The following RRBP1 variants were observed in gnomAD, a reference collection of about 807,000 sequenced individuals.
The protein encoded by RRBP1 is ribosome binding protein 1, also known as ribosome-binding protein 1.
In RRBP1, 94 loss-of-function variants were observed where a neutral mutation model predicts 165.2. That is an observed-to-expected ratio of 0.57 (90% CI 0.48 to 0.68). RRBP1 has a LOEUF of 0.68. RRBP1 is among the 30% of genes least tolerant of loss of function. RRBP1 has a pLI of 0.00. For synonymous variants in RRBP1, 680 were observed against 714.5 expected (o/e 0.95, Z 0.77); for missense variants, 1,676 against 1,763.0 (o/e 0.95, Z 0.88).
chr20:17,614,978 C>T, intron 23 of RRBP1, 98 bp from the exon 24 acceptor site: 2 of 1,382,568 alleles, frequency 1.4e-6, no homozygotes, highest in Non-Finnish European at 2.0e-6. Context: ...CTGGAGCCCT[C>T]TGGGGACACA....
Position 17,614,633 on chromosome 20 carries a change from C to G in RRBP1, c.4194+104G>C, listed in dbSNP as rs2035756463. The G allele has an allele frequency of 6.2e-6, 9 of 1,451,376 alleles. No individual in the cohort carries two copies. In the South Asian group the frequency reaches 9.9e-5, roughly 16 times the overall value. 89.9% of individuals were successfully genotyped at this position (1,451,376 alleles called of 1,614,324 possible). A position where few individuals can be genotyped will look rare whatever the true frequency, so the allele number is the denominator to read the frequency against. ...CCTGGGGCTCCCAGCCCAGCGCTCC[C>G]AGCAGCTTGACGACTCCGCCCAGCT... On this transcript the variant is annotated intron_variant, in intron 24 of 24. Coordinates refer to ENST00000377813, the MANE Select transcript of RRBP1 (RefSeq NM_001365613.2).
At chr20:17,677,854 A>T (rs370547476) in intron 2 of RRBP1, among the ~76,000 whole-genome samples, 19 of 152,220 alleles carry the variant, frequency 1.2e-4, no homozygotes, top group African/African-American at 4.6e-4. Flanking sequence ...AAAAAGAGAA[A>T]AAAGAAAAAG....
chr20:17,641,688 G>A (rs868533404), intron 5 of RRBP1, 109 bp downstream of exon 5: 28 of 1,366,784 alleles, frequency 2.0e-5, no homozygotes, highest in East Asian at 7.0e-5. Context: ...AGCCAGCTAC[G>A]TTCCAGGCAG....
chr20:17,640,062 C>T (rs913968845), intron 5 of RRBP1, among the ~76,000 whole-genome samples: 3 of 152,180 alleles, frequency 2.0e-5, no homozygotes, highest in Admixed American at 2.0e-4. Flanking sequence ...CCAGGCTTCC[C>T]CTCAGCTGCG....
At chr20:17,634,078 A>G (rs1391340007) in intron 7 of RRBP1, among the ~76,000 whole-genome samples, 1 of 152,134 alleles carries the variant, frequency 6.6e-6, no homozygotes, top group Non-Finnish European at 1.5e-5. Flanking sequence ...TACAAAACAG[A>G]CCCTTCAGGA....
chr20:17,661,054 A>G (rs1946659233), intron 2 of RRBP1, among the ~76,000 whole-genome samples: 1 of 152,104 alleles, frequency 6.6e-6, no homozygotes, highest in South Asian at 2.1e-4. Context: ...TTTTTCTCTC[A>G]ACGTGAAATT....
chr20:17,638,808 C>T (rs1043033734), intron 5 of RRBP1, among the ~76,000 whole-genome samples: 2 of 152,102 alleles, frequency 1.3e-5, no homozygotes, highest in African/African-American at 2.4e-5. Context: ...TTCTTCCAGG[C>T]GCTGTTCCCT....
At chr20:17,654,049 A>G (rs1259978543) in intron 3 of RRBP1, among the ~76,000 whole-genome samples, 1 of 152,208 alleles carries the variant, frequency 6.6e-6, no homozygotes, top group Non-Finnish European at 1.5e-5. Flanking sequence ...ATGGCCATGC[A>G]GGGTCTGACC....
chr20:17,657,832 A>T (rs577825867), intron 3 of RRBP1, among the ~76,000 whole-genome samples: 23 of 152,340 alleles, frequency 1.5e-4, no homozygotes, highest in African/African-American at 5.3e-4. Context: ...AGGGTGGCGC[A>T]GGGGAAGGAG....
At chr20:17,679,870 TCTCCTAAAC>T (rs2037146920) in intron 2 of RRBP1, 120 bp downstream of exon 2, 1 of 82,130 alleles carries the variant, frequency 1.2e-5, no homozygotes, top group Non-Finnish European at 3.7e-5. Flanking sequence ...CTCTAAACCC[TCTCCTAAAC>T]CCCAAGATCC....
chr20:17,616,060 G>A (rs369106773), intron 21 of RRBP1, 51 bp from the exon 22 acceptor site: 33 of 1,503,102 alleles, frequency 2.2e-5, no homozygotes, highest in East Asian at 1.1e-4. Flanking sequence ...GAACCCTCCA[G>A]GGGCCCAGGG....
Position 17,661,309 on chromosome 20 carries a change from A to G in RRBP1, c.-21-781T>C, listed in dbSNP as rs541841422. Among the ~76,000 whole-genome samples, 9 of 152,370 alleles carry G rather than the reference A, an allele frequency of 5.9e-5. 1 individual carries two copies. The South Asian group carries it at 1.9e-3, about 32-fold the overall frequency. ...TGCCAGCAATAGCTCCTGAGGAGTTATGGAGCCTGCAATTTGCATGTTGGG... is the reference window on the plus strand; with the variant it reads ...TGCCAGCAATAGCTCCTGAGGAGTTGTGGAGCCTGCAATTTGCATGTTGGG... On this transcript the variant is annotated intron_variant, in intron 2 of 24. Transcript: ENST00000377813.
chr20:17,618,872 G>A (rs1195855143), intron 19 of RRBP1, 193 bp from the exon 20 acceptor site: 1 of 595,510 alleles, frequency 1.7e-6, no homozygotes. Flanking sequence ...GAGGACTTAG[G>A]AAGAATGGTG....
In RRBP1 at chr20:17,615,317, G is replaced by C. The variant is rs949864720; in HGVS notation, c.4050+114C>G. On this transcript the variant is annotated intron_variant, in intron 23 of 24. Transcript: ENST00000377813. Reference sequence around the variant, plus strand: ...AGTGACAAGGGGAACCAGTGCCAAGGGCAGGTCCCGGTGGGGTCGGCTCTC... The same window carrying C: ...AGTGACAAGGGGAACCAGTGCCAAGCGCAGGTCCCGGTGGGGTCGGCTCTC... 9 of 793,284 alleles carry C rather than the reference G, an allele frequency of 1.1e-5. No homozygotes were observed. In the Admixed American group the frequency reaches 2.5e-4, roughly 22 times the overall value. 49.1% of individuals were successfully genotyped at this position (793,284 alleles called of 1,614,324 possible). A position where few individuals can be genotyped will look rare whatever the true frequency, so the allele number is the denominator to read the frequency against.
At chr20:17,641,954 C>A in intron 4 of RRBP1, 35 bp from the exon 5 acceptor site, 1 of 1,598,722 alleles carries the variant, frequency 6.3e-7, no homozygotes, top group East Asian at 2.3e-5. Context: ...ACAGAGGGGA[C>A]AAATGGGACT....
chr20:17,675,967 G>T (rs116147688), intron 2 of RRBP1, among the ~76,000 whole-genome samples: 1 of 152,346 alleles, frequency 6.6e-6, no homozygotes, highest in African/African-American at 2.4e-5. Context: ...TGGCACTTTG[G>T]GTGGCCAAGG....
intron 2 of RRBP1, among the ~76,000 whole-genome samples, chr20:17,665,477 T>C (rs1180709093): frequency 6.6e-6 from 1 of 152,218 alleles, no homozygotes; most frequent in African/African-American, 2.4e-5. Context: ...GTTCAAGCCA[T>C]TCTTGTGCCT....
At chr20:17,653,154 T>A (rs6080762) in intron 3 of RRBP1, among the ~76,000 whole-genome samples, 4 of 152,150 alleles carry the variant, frequency 2.6e-5, no homozygotes, top group African/African-American at 9.6e-5. Flanking sequence ...GTGGGAATTC[T>A]GCCAGATGCA....
chr20:17,638,730 C>T (rs1429169017), intron 5 of RRBP1, among the ~76,000 whole-genome samples: 1 of 151,670 alleles, frequency 6.6e-6, no homozygotes, highest in Non-Finnish European at 1.5e-5. Flanking sequence ...GGGGGGGTTC[C>T]GGCGCACAAG....
Sources: allele counts gnomAD v4.1 joint callset (sites outside exome capture counted in the v4.1 genomes callset), GRCh38; gene constraint gnomAD v4.1.1; transcripts MANE v1.5; gene names NCBI Gene and HGNC (gene_info 2026-07-23, HGNC 2026-07-21).